The following RANBP2 variants were observed in gnomAD, a reference collection of about 807,000 sequenced individuals.
RANBP2 encodes RAN binding protein 2.
Under a neutral mutation model 303.6 loss-of-function variants are expected in RANBP2, and 57 were observed. That is an observed-to-expected ratio of 0.19 (90% CI 0.15 to 0.23). The LOEUF (loss-of-function observed/expected upper bound fraction) is 0.23, where lower values mean the gene tolerates loss of function less well. RANBP2 is among the 10% of genes least tolerant of loss of function. The probability of loss-of-function intolerance (pLI) is 1.00; values close to 1 mark genes in which losing one functional copy is unlikely to be tolerated. For synonymous variants in RANBP2, 1,167 were observed against 1,301.5 expected (o/e 0.90, Z 2.23); for missense variants, 3,138 against 3,780.8 (o/e 0.83, Z 4.46).
At chr2:109,612,595 A>G in the RANBP2 span, among the ~76,000 whole-genome samples, 1 of 152,240 alleles carries the variant, frequency 6.6e-6, no homozygotes, top group Non-Finnish European at 1.5e-5. Flanking sequence ...AATTAAAAAT[A>G]AATCTAACAT....
the RANBP2 span, among the ~76,000 whole-genome samples, chr2:109,056,439 G>A: frequency 4.7e-4 from 72 of 152,226 alleles, 1 homozygote; most frequent in South Asian, 0.012. Flanking sequence ...AAAGTGCTGG[G>A]ATTACAGGCA....
the RANBP2 span, among the ~76,000 whole-genome samples, chr2:109,151,995 C>T: frequency 6.6e-6 from 1 of 152,234 alleles, no homozygotes; most frequent in Admixed American, 6.5e-5. Context: ...GGATATTTTT[C>T]ATACCCAGCT....
At chr2:108,807,765 C>T in the RANBP2 span, among the ~76,000 whole-genome samples, 1 of 152,004 alleles carries the variant, frequency 6.6e-6, no homozygotes, top group Admixed American at 6.5e-5. Context: ...TTACAGGCGC[C>T]CACCACCACA....
In RANBP2 at chr2:108,730,891, T is replaced by A. The variant is rs1161656688; in HGVS notation, c.252+6T>A. The A allele has an allele frequency of 5.0e-6, 8 of 1,611,522 alleles. No homozygotes were observed. The highest frequency in any genetic ancestry group is 6.8e-6 in the Non-Finnish European group (8 of 1,179,642). ...AAGCCGTTGAATGTTACAGGGTAAGTTACAGGATTCAAATATAGCCTTTGC... is the reference window on the plus strand; with the variant it reads ...AAGCCGTTGAATGTTACAGGGTAAGATACAGGATTCAAATATAGCCTTTGC... On this transcript the variant is annotated splice_donor_region_variant and intron_variant, in intron 3 of 28. Transcript: ENST00000283195.
the RANBP2 span, among the ~76,000 whole-genome samples, chr2:109,013,609 T>C: frequency 6.6e-6 from 1 of 151,832 alleles, no homozygotes; most frequent in Non-Finnish European, 1.5e-5. Context: ...TTTTTTTTTT[T>C]GAGATGGAGT....
chr2:109,651,937 C>T, the RANBP2 span, among the ~76,000 whole-genome samples: 1 of 152,196 alleles, frequency 6.6e-6, no homozygotes, highest in Non-Finnish European at 1.5e-5. Context: ...TGCACATGTG[C>T]TCAGCAGTGC....
chr2:109,633,763 G>C, the RANBP2 span, among the ~76,000 whole-genome samples: 1 of 152,140 alleles, frequency 6.6e-6, no homozygotes, highest in Non-Finnish European at 1.5e-5. Context: ...ATGATTTAGC[G>C]TTGAAATGAG....
the RANBP2 span, among the ~76,000 whole-genome samples, chr2:109,040,198 T>C: frequency 6.6e-6 from 1 of 152,226 alleles, no homozygotes; most frequent in South Asian, 2.1e-4. Context: ...TCCAGTACAA[T>C]TTATTGAAAA....
the RANBP2 span, among the ~76,000 whole-genome samples, chr2:109,744,543 A>C: frequency 1.9e-4 from 18 of 97,284 alleles, no homozygotes; most frequent in African/African-American, 4.5e-4. Context: ...GTTTACTCCA[A>C]ATTATACAAA....
At chr2:109,656,176 G>T in the RANBP2 span, among the ~76,000 whole-genome samples, 1 of 152,134 alleles carries the variant, frequency 6.6e-6, no homozygotes, top group Non-Finnish European at 1.5e-5. Flanking sequence ...CACAGCAGGG[G>T]CCATGCCAAT....
the RANBP2 span, among the ~76,000 whole-genome samples, chr2:108,945,122 T>C: frequency 6.6e-6 from 1 of 152,096 alleles, no homozygotes; most frequent in East Asian, 1.9e-4. Context: ...TGCCTGTCCG[T>C]GAGGCAGCTC....
the RANBP2 span, among the ~76,000 whole-genome samples, chr2:109,003,144 T>C: frequency 7.2e-6 from 1 of 138,578 alleles, no homozygotes; most frequent in Non-Finnish European, 1.5e-5. Flanking sequence ...AGGTGGAGGT[T>C]GCAGTAAGCT....
downstream of RANBP2, chr2:108,786,788 G>T (rs760088985): frequency 1.3e-6 from 2 of 1,553,598 alleles, no homozygotes; most frequent in Non-Finnish European, 1.7e-6. Context: ...TGATGAACGC[G>T]GTTCCCGGGG....
chr2:109,574,615 A>G, the RANBP2 span: 473 of 1,599,172 alleles, frequency 3.0e-4, 4 homozygotes, highest in East Asian at 0.011. Flanking sequence ...TAAGAGATCA[A>G]GTGTCTTCAG....
At chr2:109,619,076 G>GT in the RANBP2 span, 1 of 165,814 alleles carries the variant, frequency 6.0e-6, no homozygotes, top group Non-Finnish European at 1.5e-5. Flanking sequence ...GCTTTTTGAA[G>GT]TTTCAGTTTA....
the RANBP2 span, among the ~76,000 whole-genome samples, chr2:109,603,650 T>C: frequency 1.3e-5 from 2 of 152,096 alleles, no homozygotes; most frequent in Non-Finnish European, 2.9e-5. Context: ...CTTAGTACAA[T>C]TGGGAGACAT....
At chr2:109,401,735 T>C in the RANBP2 span, among the ~76,000 whole-genome samples, 2 of 152,158 alleles carry the variant, frequency 1.3e-5, no homozygotes, top group African/African-American at 4.8e-5. Flanking sequence ...TTCCTCTCCT[T>C]CCTGCATCCT....
chr2:109,672,226 A>C, the RANBP2 span, among the ~76,000 whole-genome samples: 1 of 152,252 alleles, frequency 6.6e-6, no homozygotes, highest in Non-Finnish European at 1.5e-5. Context: ...TTGTTATTCA[A>C]GGAATCAAAA....
chr2:109,432,429 C>A, the RANBP2 span: 1 of 1,572,678 alleles, frequency 6.4e-7, no homozygotes, highest in Non-Finnish European at 8.6e-7. Context: ...ACAACCTCCC[C>A]CCAGGAATGC....
Sources: gnomAD v4.1 joint callset for allele counts (sites outside exome capture counted in the v4.1 genomes callset) on GRCh38, gnomAD v4.1.1 for gene constraint, MANE v1.5 for transcripts, NCBI Gene and HGNC (gene_info 2026-07-23, HGNC 2026-07-21) for gene names.